SEMA3A: variants seen among roughly 807,000 people sequenced by gnomAD.
SEMA3A encodes semaphorin 3A.
A neutral mutation model predicts 97.9 loss-of-function variants in SEMA3A; 29 were observed. That is an observed-to-expected ratio of 0.30 (90% CI 0.22 to 0.40). The LOEUF is 0.40. Ranked by LOEUF, SEMA3A falls within the 10% of genes least tolerant of loss-of-function variation. The pLI, the probability that SEMA3A is intolerant of heterozygous loss-of-function variation, is 1.00. For missense variants in SEMA3A, 763 were observed against 951.3 expected, an observed-to-expected ratio of 0.80 and a Z score of 2.60; for synonymous variants, 321 against 323.7, an observed-to-expected ratio of 0.99 and a Z score of 0.09.
At chr7:83,979,561 T>C (rs1789308765) in intron 14 of SEMA3A, among the ~76,000 whole-genome samples, 2 of 152,204 alleles carry the variant, frequency 1.3e-5, no homozygotes, top group Admixed American at 1.3e-4. Flanking sequence ...TTAAATTACC[T>C]ACGGTTTCTT....
At chr7:84,109,080 C>T (rs1261304904) in intron 4 of SEMA3A, among the ~76,000 whole-genome samples, 3 of 151,948 alleles carry the variant, frequency 2.0e-5, no homozygotes, top group Non-Finnish European at 4.4e-5. Flanking sequence ...GAGACAATCA[C>T]CTTGGGCCCA....
At chr7:84,046,929 G>A (rs577130424) in intron 5 of SEMA3A, among the ~76,000 whole-genome samples, 2 of 152,028 alleles carry the variant, frequency 1.3e-5, no homozygotes, top group South Asian at 4.1e-4. Context: ...TTCTTTCTCA[G>A]TAGGATCTGA....
intron 14 of SEMA3A, among the ~76,000 whole-genome samples, 198 bp downstream of exon 14, chr7:83,981,117 ACTTTCT>A (rs1789396863): frequency 6.6e-6 from 1 of 152,178 alleles, no homozygotes; most frequent in African/African-American, 2.4e-5. Flanking sequence ...TCTGTTTATG[ACTTTCT>A]CTGTGACTTT....
chr7:84,245,059 A>G (rs992330399), intron 3 of SEMA3A, among the ~76,000 whole-genome samples: 1 of 151,914 alleles, frequency 6.6e-6, no homozygotes, highest in Non-Finnish European at 1.5e-5. Context: ...TCTGACGATT[A>G]TGTGTCTTGA....
chr7:84,034,329 G>A (rs1000014170), intron 6 of SEMA3A, among the ~76,000 whole-genome samples: 2 of 152,024 alleles, frequency 1.3e-5, no homozygotes, highest in African/African-American at 4.8e-5. Context: ...TATCTGACTC[G>A]ACAAACATTC....
intron 2 of SEMA3A, among the ~76,000 whole-genome samples, chr7:84,363,487 T>A (rs1293026282): frequency 1.3e-5 from 2 of 151,964 alleles, no homozygotes; most frequent in African/African-American, 4.8e-5. Flanking sequence ...TTTAACAGCT[T>A]TCTTTAGATC....
At chr7:84,325,661 T>TA (rs1801759199) in intron 2 of SEMA3A, among the ~76,000 whole-genome samples, 1 of 151,934 alleles carries the variant, frequency 6.6e-6, no homozygotes, top group South Asian at 2.1e-4. Flanking sequence ...CTTGTATTTG[T>TA]AAGGTTTTGA....
intron 4 of SEMA3A, among the ~76,000 whole-genome samples, chr7:84,062,048 A>T (rs1464379731): frequency 6.6e-6 from 1 of 152,242 alleles, no homozygotes; most frequent in Non-Finnish European, 1.5e-5. Flanking sequence ...AAGGATATTT[A>T]ACCTCACAAG....
At chr7:84,377,662 G>A (rs955952699) in intron 1 of SEMA3A, among the ~76,000 whole-genome samples, 4 of 152,168 alleles carry the variant, frequency 2.6e-5, no homozygotes, top group Admixed American at 1.3e-4. Flanking sequence ...GCCTGAGGTT[G>A]TACAATATTA....
At chr7:84,200,582 T>G (rs190000112) in intron 3 of SEMA3A, among the ~76,000 whole-genome samples, 2 of 152,264 alleles carry the variant, frequency 1.3e-5, no homozygotes, top group East Asian at 3.9e-4. Flanking sequence ...TTATCACTTC[T>G]ATGGTCTCTC....
At chr7:84,203,105 G>A (rs939416787) in intron 3 of SEMA3A, among the ~76,000 whole-genome samples, 2 of 152,028 alleles carry the variant, frequency 1.3e-5, no homozygotes, top group Non-Finnish European at 2.9e-5. Context: ...GTTTGCATTA[G>A]GGACTCAGGA....
At chr7:84,040,941 A>G (rs1792114685) in intron 6 of SEMA3A, among the ~76,000 whole-genome samples, 1 of 152,068 alleles carries the variant, frequency 6.6e-6, no homozygotes, top group Non-Finnish European at 1.5e-5. Context: ...ATACTTCTAA[A>G]TCTTAGATTC....
rs1420967453 is a variant in SEMA3A at position 83,956,317 on chromosome 7, G to T, written c.*5054C>A. 1 of 152,160 alleles carries T rather than the reference G, an allele frequency of 6.6e-6. No homozygotes were observed. Among genetic ancestry groups the T allele is most frequent in the East Asian group, 1.9e-4 (1 of 5,200 alleles). The allele number at this position is 152,160 out of a possible 1,614,324, so 9.4% of individuals were successfully genotyped here. ...CTGAGTGAGGTAAGGCTGTAGGTAG[G>T]TGAAATGTAACAGAAACTTTCGTTT... On this transcript the variant is annotated 3_prime_UTR_variant, in exon 17 of 17. Transcript: ENST00000265362.
chr7:84,092,028 CAGAGTAT>C (rs1185911925), intron 4 of SEMA3A, among the ~76,000 whole-genome samples: 1 of 152,134 alleles, frequency 6.6e-6, no homozygotes, highest in African/African-American at 2.4e-5. Context: ...CTATCAGTAT[CAGAGTAT>C]CAGAATACTC....
chr7:83,992,739 G>C (rs1302689246), intron 12 of SEMA3A, among the ~76,000 whole-genome samples: 2 of 151,960 alleles, frequency 1.3e-5, no homozygotes, highest in East Asian at 1.9e-4. Flanking sequence ...TCCCTTCCAA[G>C]TATGTGGTCA....
intron 4 of SEMA3A, among the ~76,000 whole-genome samples, chr7:84,075,518 G>A (rs1793916513): frequency 1.4e-5 from 2 of 147,420 alleles, no homozygotes; most frequent in South Asian, 4.4e-4. Flanking sequence ...GAGTGCAATG[G>A]TGCAGTCTTG....
chr7:84,357,289 C>T (rs571190345), intron 2 of SEMA3A, among the ~76,000 whole-genome samples: 3 of 150,108 alleles, frequency 2.0e-5, no homozygotes, highest in South Asian at 2.1e-4. Context: ...CCCCACCCCC[C>T]CTCCACCCAC....
At chr7:84,280,344 T>C (rs971662744) in intron 3 of SEMA3A, among the ~76,000 whole-genome samples, 117 of 152,336 alleles carry the variant, frequency 7.7e-4, no homozygotes, top group African/African-American at 2.7e-3. Flanking sequence ...AGATCTGTGA[T>C]GGCAGGAAGC....
In SEMA3A at chr7:83,995,582, G is replaced by T. The variant is rs543906466; in HGVS notation, c.1452+6373C>A. On this transcript the variant is annotated intron_variant, in intron 12 of 16. Transcript: ENST00000265362. Reference sequence around the variant, plus strand: ...ATTATGATGACATTCATTTAAATAAGCTACGGGGATTTTTTTCTGAGAAAT... The same window carrying T: ...ATTATGATGACATTCATTTAAATAATCTACGGGGATTTTTTTCTGAGAAAT... Among the ~76,000 whole-genome samples the T allele has an allele frequency of 2.0e-5, 3 of 152,242 alleles. No individual in the cohort carries two copies. The East Asian group carries it at 5.8e-4, about 29-fold the overall frequency.
Sources: gnomAD v4.1 joint callset for allele counts (sites outside exome capture counted in the v4.1 genomes callset) on GRCh38, gnomAD v4.1.1 for gene constraint, MANE v1.5 for transcripts, NCBI Gene and HGNC (gene_info 2026-07-23, HGNC 2026-07-21) for gene names.